Variants in RORA observed in about 807,000 individuals in gnomAD.
RORA encodes the protein nuclear receptor ROR-alpha.
Under a neutral mutation model 69.5 loss-of-function variants are expected in RORA, and 7 were observed. The observed-to-expected ratio is 0.10, with a 90% CI of 0.06 to 0.19. The LOEUF (loss-of-function observed/expected upper bound fraction) is 0.19. Ranked by LOEUF, RORA falls within the 10% of genes least tolerant of loss-of-function variation. The pLI is 1.00. For missense variants in RORA, 457 were observed against 663.0 expected, an observed-to-expected ratio of 0.69 and a Z score of 3.41; for synonymous variants, 261 against 240.8, an observed-to-expected ratio of 1.08 and a Z score of -0.78.
chr15:60,712,448 T>C (rs8038077), intron 1 of RORA, among the ~76,000 whole-genome samples: 25,992 of 152,112 alleles, frequency 0.17, 3,599 homozygotes, highest in African/African-American at 0.38. Flanking sequence ...CACTCTCTAT[T>C]GTCTAGTGGA....
At chr15:60,719,472 T>C (rs191467185) in intron 1 of RORA, among the ~76,000 whole-genome samples, 2 of 152,268 alleles carry the variant, frequency 1.3e-5, no homozygotes, top group Admixed American at 1.3e-4. Flanking sequence ...CCACAAAATA[T>C]AGGGTTTCTT....
Position 60,495,818 on chromosome 15 carries a change from T to C in RORA, c.*1637A>G, listed in dbSNP as rs1271559369. The C allele has an allele frequency of 6.6e-6, 1 of 151,466 alleles. No homozygotes were observed. Among genetic ancestry groups the C allele is most frequent in the African/African-American group, 2.4e-5 (1 of 41,140 alleles). The allele number at this position is 151,466 out of a possible 1,614,324, so 9.4% of individuals were successfully genotyped here. A position where few individuals can be genotyped will look rare whatever the true frequency, so the allele number is the denominator to read the frequency against. ...TGTTTTTAAAATATGCACATCTGTT[T>C]ATCAGACTATTCCTTTCCCCTTCCC... is the stretch of plus-strand genomic sequence containing the variant. On this transcript the variant is annotated 3_prime_UTR_variant, in exon 11 of 11. Transcript: ENST00000335670.
At chr15:60,523,671 C>T (rs1314051534) in intron 3 of RORA, among the ~76,000 whole-genome samples, 1 of 152,110 alleles carries the variant, frequency 6.6e-6, no homozygotes, top group African/African-American at 2.4e-5. Flanking sequence ...CATTGACTTT[C>T]TGGAACAGAA....
chr15:60,736,095 A>C (rs1208444562), intron 1 of RORA, among the ~76,000 whole-genome samples: 1 of 152,130 alleles, frequency 6.6e-6, no homozygotes, highest in East Asian at 1.9e-4. Flanking sequence ...AGTCTAGGGG[A>C]GGGGCTGAAC....
At chr15:61,011,842 T>A (rs1895096831) in intron 1 of RORA, among the ~76,000 whole-genome samples, 1 of 151,602 alleles carries the variant, frequency 6.6e-6, no homozygotes, top group South Asian at 2.1e-4. Context: ...TCACTTAGAG[T>A]TCATGCCACC....
intron 1 of RORA, among the ~76,000 whole-genome samples, chr15:61,077,465 T>C (rs1032802511): frequency 1.3e-5 from 2 of 152,152 alleles, no homozygotes; most frequent in Non-Finnish European, 2.9e-5. Context: ...CGACTATGGG[T>C]ACCTAGATAG....
In RORA at chr15:61,229,167, T is replaced by G. The variant is rs1231485453; in HGVS notation, c.52A>C (p.Ser18Arg). 1 of 1,552,696 alleles carries G rather than the reference T, an allele frequency of 6.4e-7. No individual in the cohort carries two copies. Among genetic ancestry groups the G allele is most frequent in the Non-Finnish European group, 8.7e-7 (1 of 1,149,904 alleles). The change falls in exon 1 of 11, where the codon AGC (serine) becomes CGC (arginine). Residue 18 changes from serine (S) to arginine (R), a missense_variant. Around this residue, in one of 3 missense-constraint regions of RORA, gnomAD observed 119 missense variants for 92.4 expected, o/e 1.29. Coordinates refer to ENST00000335670, the MANE Select transcript of RORA (RefSeq NM_134261.3). ...GAGCCGGCGGCCGCGTCCGCGCCGC[T>G]GCTGCCTGGCTCGCTGGCGGCGGGG... is the stretch of plus-strand genomic sequence containing the variant. The part of the protein sequence containing the change: ...PDPAASEPGS[S>R]GADAAAGSRE...
chr15:60,622,120 T>C (rs1022385556), intron 2 of RORA, among the ~76,000 whole-genome samples: 1 of 148,742 alleles, frequency 6.7e-6, no homozygotes, highest in African/African-American at 2.5e-5. Flanking sequence ...TATAATAGTA[T>C]ATATAACAGT....
chr15:60,565,943 C>G (rs1006532083), intron 2 of RORA, among the ~76,000 whole-genome samples: 3 of 152,224 alleles, frequency 2.0e-5, no homozygotes, highest in African/African-American at 7.2e-5. Context: ...CCCACCTACA[C>G]TCTTGATGCT....
At chr15:61,039,016 C>T (rs1476195620) in intron 1 of RORA, 1 of 152,110 alleles carries the variant, frequency 6.6e-6, no homozygotes, top group Non-Finnish European at 1.5e-5. Context: ...ACAGAGAGCC[C>T]CAAGCCTGTG....
intron 1 of RORA, among the ~76,000 whole-genome samples, chr15:61,062,670 T>C (rs545723303): frequency 2.0e-4 from 30 of 152,234 alleles, no homozygotes; most frequent in African/African-American, 7.2e-4. Context: ...GTATATTAAT[T>C]TATGTATTCA....
chr15:61,187,149 A>G (rs1318804653), intron 1 of RORA, among the ~76,000 whole-genome samples: 1 of 152,234 alleles, frequency 6.6e-6, no homozygotes, highest in African/African-American at 2.4e-5. Context: ...AAGTCCAACT[A>G]TTCCACATCG....
chr15:60,884,202 A>AAGAG (rs570842239), intron 1 of RORA, among the ~76,000 whole-genome samples: 3 of 150,906 alleles, frequency 2.0e-5, no homozygotes, highest in South Asian at 2.1e-4. Flanking sequence ...CAAAGAGAGA[A>AAGAG]AGAGAGAGAG....
At chr15:60,703,266 A>G (rs550665905) in intron 1 of RORA, among the ~76,000 whole-genome samples, 100 of 152,306 alleles carry the variant, frequency 6.6e-4, no homozygotes, top group African/African-American at 2.3e-3. Flanking sequence ...ATTAAGTCGC[A>G]GGGTTAAGGG....
intron 1 of RORA, among the ~76,000 whole-genome samples, chr15:61,217,679 C>A (rs903153149): frequency 6.6e-6 from 1 of 152,050 alleles, no homozygotes; most frequent in Non-Finnish European, 1.5e-5. Flanking sequence ...CAGGCCCTAG[C>A]ACATAGAAAG....
intron 9 of RORA, 37 bp from the exon 10 acceptor site, chr15:60,500,041 T>C (rs2065282446): frequency 1.6e-6 from 2 of 1,270,580 alleles, no homozygotes; most frequent in Non-Finnish European, 2.3e-6. Context: ...AGCATTCCTC[T>C]GACATGGTGT....
At chr15:61,055,285 A>G (rs191294676) in intron 1 of RORA, among the ~76,000 whole-genome samples, 45 of 152,260 alleles carry the variant, frequency 3.0e-4, no homozygotes, top group Admixed American at 2.6e-3. Context: ...ATGGGTTTTA[A>G]CGTTTTTGAG....
chr15:61,061,119 C>T lies in RORA; in HGVS notation c.166+167934G>A, dbSNP rs932204210. ...CTGTAATCCCAGCACTTTGGGAGGC[C>T]GAGGCGGGCGGATCACAAGATCAGG... is the stretch of plus-strand genomic sequence containing the variant. On this transcript the variant is annotated intron_variant, in intron 1 of 10. Coordinates refer to ENST00000335670, the MANE Select transcript of RORA (RefSeq NM_134261.3). The surrounding 1 kb of genome is among the most constrained non-coding windows in gnomAD (Gnocchi z 4.4). Among the ~76,000 whole-genome samples the T allele has an allele frequency of 1.7e-4, 26 of 151,976 alleles. No homozygotes were observed. The highest frequency in any genetic ancestry group is 1.2e-3 in the East Asian group (6 of 5,166).
At chr15:60,833,310 G>T (rs2073073111) in intron 1 of RORA, among the ~76,000 whole-genome samples, 1 of 151,966 alleles carries the variant, frequency 6.6e-6, no homozygotes, top group Non-Finnish European at 1.5e-5. Context: ...CCACCTCCCA[G>T]GTTCAAGTGA....
Sources: allele counts gnomAD v4.1 joint callset (sites outside exome capture counted in the v4.1 genomes callset), GRCh38; gene constraint gnomAD v4.1.1; regional missense constraint gnomAD v4.1.1; non-coding constraint Gnocchi (gnomAD v3.1); transcripts MANE v1.5; gene names NCBI Gene and HGNC (gene_info 2026-07-23, HGNC 2026-07-21).